CACNB4: variants seen among roughly 807,000 people sequenced by gnomAD.
The protein encoded by CACNB4 is calcium voltage-gated channel auxiliary subunit beta 4.
Under a neutral mutation model 71.2 loss-of-function variants are expected in CACNB4, and 32 were observed. The observed-to-expected ratio is 0.45, with a 90% CI of 0.34 to 0.60. The LOEUF is 0.60. Among genes scored for constraint, CACNB4 ranks in the 20% least tolerant of loss-of-function variants. CACNB4 has a pLI of 0.01. For missense variants in CACNB4, 464 were observed against 647.9 expected (o/e 0.72, Z 3.08); for synonymous variants, 231 against 236.9 (o/e 0.97, Z 0.23).
At chr2:151,968,842 G>A (rs550172766) in intron 2 of CACNB4, 2 of 152,292 alleles carry the variant, frequency 1.3e-5, no homozygotes, top group East Asian at 3.9e-4. Context: ...ACCTGGCGAG[G>A]ATTGATCCGA....
intron 2 of CACNB4, among the ~76,000 whole-genome samples, chr2:151,893,249 T>C (rs1032981748): frequency 1.3e-5 from 2 of 152,076 alleles, no homozygotes; most frequent in South Asian, 2.1e-4. Context: ...CTATTTTATA[T>C]CTTTTTTTTT....
intron 12 of CACNB4, among the ~76,000 whole-genome samples, chr2:151,845,578 C>G (rs1390057089): frequency 6.6e-6 from 1 of 152,210 alleles, no homozygotes; most frequent in African/African-American, 2.4e-5. Context: ...TTTAAAGGTT[C>G]AAGTGTAGTC....
At chr2:152,081,614 C>G (rs148835268) in intron 2 of CACNB4, among the ~76,000 whole-genome samples, 1 of 152,252 alleles carries the variant, frequency 6.6e-6, no homozygotes, top group South Asian at 2.1e-4. Flanking sequence ...GCTCTGGTCC[C>G]CCTTCTTCTT....
chr2:152,086,763 C>T (rs768302826), intron 2 of CACNB4, among the ~76,000 whole-genome samples: 9 of 152,180 alleles, frequency 5.9e-5, no homozygotes, highest in Admixed American at 2.0e-4. Context: ...ATAAAAACCA[C>T]CCCCCTCTAT....
Position 151,883,337 on chromosome 2 carries a change from C to T in CACNB4, c.181G>A (p.Asp61Asn). ...SADSYTSRPS[D>N]SDVSLEEDRE... ...TCCTCTTCCAAAGAGACATCGGAGT[C>T]AGACGGCCTGCTTGTGTAGGAATCC... Residue 61 changes from aspartate to asparagine, a missense_variant, in exon 3 of 14, where the codon GAC becomes AAC. Physicochemically the swap from Asp to Asn is conservative, Grantham distance 23 (BLOSUM62 1). Coordinates refer to ENST00000539935, the MANE Select transcript of CACNB4 (RefSeq NM_000726.5). 1 of 1,613,876 alleles carries T rather than the reference C, an allele frequency of 6.2e-7. No homozygotes were observed. Among genetic ancestry groups the T allele is most frequent in the Non-Finnish European group, 8.5e-7 (1 of 1,179,774 alleles).
intron 2 of CACNB4, among the ~76,000 whole-genome samples, chr2:152,029,295 C>T (rs942687255): frequency 1.3e-4 from 20 of 151,882 alleles, no homozygotes; most frequent in Non-Finnish European, 2.6e-4. Context: ...GAGTTCGAGA[C>T]CAGCCTGGCC....
intron 2 of CACNB4, among the ~76,000 whole-genome samples, chr2:151,902,177 G>A (rs779539976): frequency 2.2e-4 from 33 of 151,956 alleles, no homozygotes; most frequent in African/African-American, 6.8e-4. Flanking sequence ...GATCACAGGC[G>A]CACGCCACCA....
At chr2:152,028,932 C>T in intron 2 of CACNB4, among the ~76,000 whole-genome samples, 1 of 152,194 alleles carries the variant, frequency 6.6e-6, no homozygotes, top group East Asian at 1.9e-4. Context: ...TTCTGAGTAG[C>T]TTTGAAGAAG....
intron 2 of CACNB4, among the ~76,000 whole-genome samples, chr2:151,884,467 CAA>C (rs35007488): frequency 5.1e-5 from 6 of 117,034 alleles, no homozygotes; most frequent in East Asian, 2.6e-4. Flanking sequence ...ACTAAAAATA[CAA>C]AAAAAAAAAA....
At chr2:151,951,062 A>G (rs1044913443) in intron 2 of CACNB4, among the ~76,000 whole-genome samples, 1 of 152,128 alleles carries the variant, frequency 6.6e-6, no homozygotes, top group African/African-American at 2.4e-5. Context: ...CTCCTGCCTC[A>G]GCCTCCCGAG....
intron 2 of CACNB4, among the ~76,000 whole-genome samples, chr2:152,077,079 G>C (rs185289282): frequency 5.7e-4 from 87 of 152,334 alleles, no homozygotes; most frequent in Admixed American, 1.0e-3. Context: ...TCCAGAAGGA[G>C]AGCAGAAGTG....
chr2:152,041,929 G>A (rs997478438), intron 2 of CACNB4, among the ~76,000 whole-genome samples: 3 of 152,146 alleles, frequency 2.0e-5, no homozygotes, highest in East Asian at 1.9e-4. Flanking sequence ...TCCTGCTCAC[G>A]CCATCATTCC....
At chr2:152,046,809 C>T (rs1265077702) in intron 2 of CACNB4, among the ~76,000 whole-genome samples, 2 of 152,172 alleles carry the variant, frequency 1.3e-5, no homozygotes, top group Non-Finnish European at 2.9e-5. Context: ...TCATCACAGG[C>T]AGCTTGTCCA....
chr2:152,056,411 A>G (rs774659256), intron 2 of CACNB4, among the ~76,000 whole-genome samples: 14 of 152,032 alleles, frequency 9.2e-5, no homozygotes, highest in Non-Finnish European at 2.1e-4. Context: ...GTGTCCCCAA[A>G]TGCTTTGTCA....
At chr2:152,094,414 T>C (rs548913323) in intron 2 of CACNB4, among the ~76,000 whole-genome samples, 33 of 152,342 alleles carry the variant, frequency 2.2e-4, no homozygotes, top group African/African-American at 7.9e-4. Context: ...AGGCCAGGTA[T>C]GACTTTGCTG....
intron 2 of CACNB4, among the ~76,000 whole-genome samples, chr2:151,921,731 G>A (rs1402644980): frequency 6.6e-6 from 1 of 152,128 alleles, no homozygotes; most frequent in Non-Finnish European, 1.5e-5. Context: ...CTGGTGGAGG[G>A]CGATTGGATT....
At chr2:151,876,875 TTATAC>T (rs919026906) in intron 4 of CACNB4, among the ~76,000 whole-genome samples, 15 of 115,366 alleles carry the variant, frequency 1.3e-4, no homozygotes, top group African/African-American at 3.5e-4. Context: ...CTATACTATA[TTATAC>T]TATACATTTT....
intron 2 of CACNB4, among the ~76,000 whole-genome samples, chr2:151,895,096 C>CCCCCCACACACA (rs762464510): frequency 2.7e-4 from 6 of 22,288 alleles, no homozygotes; most frequent in Admixed American, 8.4e-4. Context: ...TCAAATAGCC[C>CCCCCCACACACA]CACACACACA....
intron 2 of CACNB4, among the ~76,000 whole-genome samples, chr2:151,902,606 AT>A (rs2099853754): frequency 6.6e-6 from 1 of 152,068 alleles, no homozygotes; most frequent in Non-Finnish European, 1.5e-5. Flanking sequence ...GATTAATTAT[AT>A]TTTGGTTTTT....
Sources: gnomAD v4.1 joint callset for allele counts (sites outside exome capture counted in the v4.1 genomes callset) on GRCh38, gnomAD v4.1.1 for gene constraint, MANE v1.5 for transcripts, NCBI Gene and HGNC (gene_info 2026-07-23, HGNC 2026-07-21) for gene names.